ADAM12: variants seen among roughly 807,000 people sequenced by gnomAD.
ADAM12 encodes ADAM metallopeptidase domain 12, also known as disintegrin and metalloproteinase domain-containing protein 12.
Under a neutral mutation model 106.4 loss-of-function variants are expected in ADAM12, and 70 were observed. The ratio of observed to expected loss-of-function variants is 0.66; its 90% CI spans 0.54 to 0.80. The LOEUF is 0.80. Among genes scored for constraint, ADAM12 ranks in the 30% least tolerant of loss-of-function variants. ADAM12 has a pLI of 0.00. For missense variants in ADAM12, 1,010 were observed against 1,171.9 expected (o/e 0.86, Z 2.02); for synonymous variants, 420 against 433.5 (o/e 0.97, Z 0.39).
chr10:126,220,269 C>T (rs1958065567), intron 3 of ADAM12, among the ~76,000 whole-genome samples: 1 of 152,138 alleles, frequency 6.6e-6, no homozygotes, highest in South Asian at 2.1e-4. Flanking sequence ...TGAGTACTCA[C>T]GAGGTGCCGA....
chr10:126,046,626 A>T lies in ADAM12; in HGVS notation c.1918-494T>A, dbSNP rs553923121. Among the ~76,000 whole-genome samples the T allele has an allele frequency of 4.0e-5, 6 of 151,612 alleles. No individual in the cohort carries two copies. The South Asian group carries it at 1.3e-3, about 32-fold the overall frequency. On this transcript the variant is annotated intron_variant, in intron 16 of 22. Transcript: ENST00000448723. ...GAGACTCTCCTGGAAAACATGGTGA[A>T]ACCCTGTCTCTACTGAAAATACAAA...
At chr10:126,355,892 G>T (rs1205461908) in intron 1 of ADAM12, among the ~76,000 whole-genome samples, 2 of 152,218 alleles carry the variant, frequency 1.3e-5, no homozygotes, top group South Asian at 2.1e-4. Flanking sequence ...GCAAAGCCAA[G>T]ATGGTCACTC....
intron 2 of ADAM12, among the ~76,000 whole-genome samples, chr10:126,292,770 T>C (rs1047262363): frequency 2.0e-5 from 3 of 152,390 alleles, no homozygotes; most frequent in Admixed American, 6.5e-5. Context: ...TCAAACTTTA[T>C]TGATGTACAC....
intron 11 of ADAM12, among the ~76,000 whole-genome samples, chr10:126,083,468 G>C (rs753906296): frequency 1.3e-5 from 2 of 152,234 alleles, no homozygotes; most frequent in Non-Finnish European, 2.9e-5. Context: ...GTATCCATGG[G>C]TTGGGAGAGG....
chr10:126,331,475 A>T (rs1288381171), intron 1 of ADAM12, among the ~76,000 whole-genome samples: 1 of 152,222 alleles, frequency 6.6e-6, no homozygotes, highest in East Asian at 1.9e-4. Context: ...ACAGTTCCCC[A>T]AATACTTTTA....
chr10:126,071,776 A>G, intron 11 of ADAM12, 122 bp from the exon 12 acceptor site: 1 of 1,033,502 alleles, frequency 9.7e-7, no homozygotes, highest in Non-Finnish European at 1.4e-6. Context: ...GGTGGTCTCA[A>G]TGAACAATGC....
chr10:126,282,604 T>C (rs1273061705), intron 2 of ADAM12, among the ~76,000 whole-genome samples: 1 of 152,220 alleles, frequency 6.6e-6, no homozygotes, highest in Non-Finnish European at 1.5e-5. Flanking sequence ...TTTTACTTAA[T>C]CTTATATTTG....
At chr10:126,218,705 G>A (rs1958034429) in intron 3 of ADAM12, among the ~76,000 whole-genome samples, 3 of 152,172 alleles carry the variant, frequency 2.0e-5, no homozygotes, top group African/African-American at 7.2e-5. Flanking sequence ...CTTTATCCAT[G>A]TTCAAAGGAT....
chr10:126,246,145 C>T (rs997238288), intron 3 of ADAM12, among the ~76,000 whole-genome samples: 1 of 152,044 alleles, frequency 6.6e-6, no homozygotes, highest in Non-Finnish European at 1.5e-5. Context: ...AGGAGAAAGG[C>T]AGGAATAAAT....
chr10:126,021,519 G>C (rs947864288), intron 21 of ADAM12, among the ~76,000 whole-genome samples: 1 of 152,136 alleles, frequency 6.6e-6, no homozygotes, highest in Non-Finnish European at 1.5e-5. Flanking sequence ...CGGACACATT[G>C]GGCTAGGAAA....
intron 3 of ADAM12, among the ~76,000 whole-genome samples, chr10:126,271,817 T>C (rs763910660): frequency 1.3e-5 from 2 of 152,138 alleles, no homozygotes; most frequent in African/African-American, 2.4e-5. Flanking sequence ...CTACAGGCCT[T>C]TTCTTCTATG....
chr10:126,225,868 A>G (rs909117399), intron 3 of ADAM12, among the ~76,000 whole-genome samples: 1 of 152,158 alleles, frequency 6.6e-6, no homozygotes, highest in Non-Finnish European at 1.5e-5. Context: ...TTACGACAGG[A>G]TGTAAGAGCC....
intron 1 of ADAM12, among the ~76,000 whole-genome samples, chr10:126,349,089 T>C (rs1295758643): frequency 6.6e-6 from 1 of 152,206 alleles, no homozygotes; most frequent in African/African-American, 2.4e-5. Context: ...TCTAGATAAA[T>C]TCAGAGTGTA....
Position 126,013,947 on chromosome 10 carries a change from C to G in ADAM12, c.*3332G>C, listed in dbSNP as rs1478538161. On this transcript the variant is annotated 3_prime_UTR_variant, in exon 23 of 23. Transcript: ENST00000448723. This position sits in a 1 kb window ranked among gnomAD's most constrained non-coding sequence, Gnocchi z 4.3. ...TTCTGGGAGGGATTGTGACTTTCAG[C>G]TGGGTAACTGGTGTCTGGCTGAGGC... 1 of 152,546 alleles carries G rather than the reference C, an allele frequency of 6.6e-6. No homozygotes were observed. The highest frequency in any genetic ancestry group is 1.9e-4 in the East Asian group (1 of 5,204). 9.4% of individuals were successfully genotyped at this position (152,546 alleles called of 1,614,324 possible).
chr10:126,221,744 G>A (rs1219913940), intron 3 of ADAM12, among the ~76,000 whole-genome samples: 1 of 152,190 alleles, frequency 6.6e-6, no homozygotes, highest in Non-Finnish European at 1.5e-5. Context: ...AAATTCAAAG[G>A]AGCTGGAATC....
At chr10:126,347,347 G>A (rs577380189) in intron 1 of ADAM12, among the ~76,000 whole-genome samples, 36 of 152,110 alleles carry the variant, frequency 2.4e-4, no homozygotes, top group Non-Finnish European at 4.7e-4. Flanking sequence ...TTGAATATCG[G>A]CCCCCACTCC....
intron 21 of ADAM12, among the ~76,000 whole-genome samples, chr10:126,035,760 AATG>A (rs540122233): frequency 9.8e-5 from 15 of 152,318 alleles, no homozygotes; most frequent in East Asian, 9.6e-4. Context: ...TTTGAAATAA[AATG>A]ATGAGAGAGT....
Position 126,071,489 on chromosome 10 carries a change from A to G in ADAM12, c.1311T>C (p.Cys437=), listed in dbSNP as rs762286732. The part of the protein sequence containing the change: ...RFVEEGEECD[C]GEPEECMNRC... ...GAATGGTTCTTACCTCTGGCTCCCC[A>G]CAGTCACACTCCTCTCCTTCTTCCA... is the stretch of plus-strand genomic sequence containing the variant. Residue 437 remains cysteine (C), a synonymous_variant, in exon 12 of 23, where the codon TGT becomes TGC. Transcript: ENST00000448723. 1 of 1,613,996 alleles carries G rather than the reference A, an allele frequency of 6.2e-7. No homozygotes were observed. The highest frequency in any genetic ancestry group is 2.2e-5 in the East Asian group (1 of 44,856).
At chr10:126,075,081 T>C (rs1955073099) in intron 11 of ADAM12, among the ~76,000 whole-genome samples, 2 of 152,224 alleles carry the variant, frequency 1.3e-5, no homozygotes, top group South Asian at 4.1e-4. Flanking sequence ...ATTCCTGCCA[T>C]TTCCTCGGAC....
Sources: gnomAD v4.1 joint callset for allele counts (sites outside exome capture counted in the v4.1 genomes callset) on GRCh38, gnomAD v4.1.1 for gene constraint, Gnocchi (gnomAD v3.1) non-coding constraint, MANE v1.5 for transcripts, NCBI Gene and HGNC (gene_info 2026-07-23, HGNC 2026-07-21) for gene names.